The following FHIT variants were observed in gnomAD, a reference collection of about 807,000 sequenced individuals.
FHIT encodes fragile histidine triad diadenosine triphosphatase.
Under a neutral mutation model 17.9 loss-of-function variants are expected in FHIT, and 19 were observed. The observed-to-expected ratio is 1.06, with a 90% CI of 0.74 to 1.56. The LOEUF is 1.56. Among genes scored for constraint, FHIT ranks in the 40% most tolerant of loss-of-function variants. The pLI, the probability that FHIT is intolerant of heterozygous loss-of-function variation, is 0.00. For synonymous variants in FHIT, 81 were observed against 69.7 expected, an observed-to-expected ratio of 1.16 and a Z score of -0.81; for missense variants, 248 against 189.2, an observed-to-expected ratio of 1.31 and a Z score of -1.82.
At chr3:61,074,426 C>T (rs2034906690) in intron 2 of FHIT, among the ~76,000 whole-genome samples, 1 of 152,214 alleles carries the variant, frequency 6.6e-6, no homozygotes, top group South Asian at 2.1e-4. Flanking sequence ...TGAGCCAAAT[C>T]TGACCCATTG....
intron 3 of FHIT, among the ~76,000 whole-genome samples, chr3:60,962,018 G>A (rs1709479339): frequency 6.6e-6 from 1 of 152,166 alleles, no homozygotes; most frequent in African/African-American, 2.4e-5. Context: ...ATTGCCTTGG[G>A]CAGTATGGCC....
At chr3:59,757,341 C>T (rs1701269330) in intron 8 of FHIT, among the ~76,000 whole-genome samples, 1 of 152,200 alleles carries the variant, frequency 6.6e-6, no homozygotes, top group South Asian at 2.1e-4. Context: ...AATCTATCTT[C>T]AGTCATCCCA....
intron 1 of FHIT, among the ~76,000 whole-genome samples, chr3:61,250,346 C>A (rs1412711882): frequency 6.6e-6 from 1 of 152,226 alleles, no homozygotes; most frequent in East Asian, 1.9e-4. Flanking sequence ...TGGGCCCGGC[C>A]CAGGTCAGAA....
At chr3:60,486,172 A>T (rs2033831665) in intron 5 of FHIT, among the ~76,000 whole-genome samples, 1 of 152,172 alleles carries the variant, frequency 6.6e-6, no homozygotes, top group South Asian at 2.1e-4. Flanking sequence ...AGGATACAGT[A>T]AATATTTACA....
At chr3:61,071,696 T>A (rs896789176) in intron 2 of FHIT, among the ~76,000 whole-genome samples, 2 of 152,068 alleles carry the variant, frequency 1.3e-5, no homozygotes, top group African/African-American at 4.8e-5. Context: ...AGTATTTCCA[T>A]ATATATTTCT....
chr3:60,790,528 C>A (rs574512532), intron 4 of FHIT, among the ~76,000 whole-genome samples: 1 of 152,254 alleles, frequency 6.6e-6, no homozygotes, highest in Non-Finnish European at 1.5e-5. Flanking sequence ...CCTGATTCCC[C>A]TTTTAGGGAA....
At chr3:61,191,081 TAA>T (rs368222463) in intron 2 of FHIT, among the ~76,000 whole-genome samples, 39 of 148,780 alleles carry the variant, frequency 2.6e-4, no homozygotes, top group African/African-American at 8.9e-4. Context: ...TAAAGTATAA[TAA>T]AAAAAAAATA....
In FHIT at chr3:61,118,783, T is replaced by A. The variant is rs2036373848; in HGVS notation, c.-163-76684A>T. 2.0e-5 allele frequency among the ~76,000 whole-genome samples: 3 copies of A among 152,302 alleles called. No individual in the cohort carries two copies. The South Asian group carries it at 6.2e-4, about 32-fold the overall frequency. Reference sequence around the variant, plus strand: ...AGTAGAAGGAACTTTATCTCACACATGGTAAGTTCTCCATAAAGTTATTTA... The same window carrying A: ...AGTAGAAGGAACTTTATCTCACACAAGGTAAGTTCTCCATAAAGTTATTTA... On this transcript the variant is annotated intron_variant, in intron 2 of 9. Transcript: ENST00000492590.
intron 8 of FHIT, among the ~76,000 whole-genome samples, chr3:59,841,379 A>G (rs1701528444): frequency 6.6e-6 from 1 of 152,136 alleles, no homozygotes; most frequent in Non-Finnish European, 1.5e-5. Flanking sequence ...CTACTTGAGA[A>G]TGGGCCTCAG....
intron 3 of FHIT, among the ~76,000 whole-genome samples, chr3:60,994,195 T>A (rs1372527057): frequency 2.0e-5 from 3 of 152,254 alleles, no homozygotes. Flanking sequence ...TTTTAAGTTA[T>A]GTATGTGGCT....
At chr3:60,593,196 T>G (rs2038148993) in intron 4 of FHIT, among the ~76,000 whole-genome samples, 1 of 152,288 alleles carries the variant, frequency 6.6e-6, no homozygotes, top group Admixed American at 6.5e-5. Flanking sequence ...TTATACTCTC[T>G]CACTTTGTAC....
At chr3:60,962,053 A>T (rs1424181760) in intron 3 of FHIT, among the ~76,000 whole-genome samples, 1 of 152,144 alleles carries the variant, frequency 6.6e-6, no homozygotes, top group Non-Finnish European at 1.5e-5. Context: ...GATTCTTCCT[A>T]CCCATGAGCG....
chr3:60,799,326 C>T (rs1553731508), intron 4 of FHIT, among the ~76,000 whole-genome samples: 4 of 152,206 alleles, frequency 2.6e-5, no homozygotes, highest in Non-Finnish European at 5.9e-5. Flanking sequence ...GGGCATGTGC[C>T]ACCATGCCCA....
intron 5 of FHIT, among the ~76,000 whole-genome samples, chr3:60,392,788 TGGGGCCCAGTAAAACCAAAG>T (rs1395738112): frequency 6.6e-6 from 1 of 152,144 alleles, no homozygotes; most frequent in Non-Finnish European, 1.5e-5. Flanking sequence ...TGGAAATGGG[TGGGGCCCAGTAAAACCAAAG>T]GTGGACTGGT....
chr3:61,218,000 T>C (rs936750999), intron 1 of FHIT, among the ~76,000 whole-genome samples: 4 of 152,162 alleles, frequency 2.6e-5, no homozygotes, highest in Non-Finnish European at 5.9e-5. Flanking sequence ...ACTAATTTGG[T>C]TGTGGATACA....
rs554243234 is a variant in FHIT at position 59,981,711 on chromosome 3, G to T, written c.279+29660C>A. On this transcript the variant is annotated intron_variant, in intron 7 of 9. Coordinates refer to ENST00000492590, the MANE Select transcript of FHIT (RefSeq NM_002012.4). ...TTATGGAGTCTCTCGAATGCTAAAT[G>T]GTCAAATAGAGAAGTTAAACACACA... Among the ~76,000 whole-genome samples, 56 of 152,136 alleles carry T rather than the reference G, an allele frequency of 3.7e-4. No individual in the cohort carries two copies. The South Asian group carries it at 9.6e-3, about 26-fold the overall frequency.
intron 2 of FHIT, among the ~76,000 whole-genome samples, chr3:61,084,345 TGATA>T (rs1161898409): frequency 3.3e-5 from 5 of 152,362 alleles, no homozygotes; most frequent in African/African-American, 1.2e-4. Flanking sequence ...TATGAAGAGC[TGATA>T]GATAGTATAT....
At chr3:59,900,859 C>G (rs1704297248) in intron 8 of FHIT, among the ~76,000 whole-genome samples, 1 of 152,186 alleles carries the variant, frequency 6.6e-6, no homozygotes, top group African/African-American at 2.4e-5. Context: ...AAGGACCCAC[C>G]TGCCTCAGCC....
intron 8 of FHIT, among the ~76,000 whole-genome samples, chr3:59,785,260 TATAA>T (rs1451824703): frequency 1.3e-5 from 2 of 151,982 alleles, no homozygotes; most frequent in African/African-American, 4.8e-5. Flanking sequence ...TATGGCATAT[TATAA>T]ATGTTTCCAG....
Sources: gnomAD v4.1 joint callset for allele counts (sites outside exome capture counted in the v4.1 genomes callset) on GRCh38, gnomAD v4.1.1 for gene constraint, MANE v1.5 for transcripts, NCBI Gene and HGNC (gene_info 2026-07-23, HGNC 2026-07-21) for gene names.